HRG: variants seen among roughly 807,000 people sequenced by gnomAD.
The protein encoded by HRG is histidine-rich glycoprotein.
A neutral mutation model predicts 29.5 loss-of-function variants in HRG; 26 were observed. The ratio of observed to expected loss-of-function variants is 0.88; its 90% CI spans 0.65 to 1.22. The LOEUF is 1.22. Ranked by LOEUF, HRG falls within the 50% of genes most tolerant of loss-of-function variation. The probability of loss-of-function intolerance (pLI) is 0.00; values close to 1 mark genes in which losing one functional copy is unlikely to be tolerated. For synonymous variants in HRG, 243 were observed against 240.4 expected (o/e 1.01, Z -0.10); for missense variants, 671 against 654.5 (o/e 1.03, Z -0.28).
chr3:186,667,618 G>T (rs1240958227), intron 1 of HRG, among the ~76,000 whole-genome samples: 1 of 152,074 alleles, frequency 6.6e-6, no homozygotes, highest in African/African-American at 2.4e-5. Context: ...GGAGGCTTCT[G>T]CTGTGTAATG....
chr3:186,677,375 A>G lies in HRG; in HGVS notation c.1070A>G (p.His357Arg). The G allele has an allele frequency of 6.2e-7, 1 of 1,613,710 alleles. No individual in the cohort carries two copies. Among genetic ancestry groups the G allele is most frequent in the Non-Finnish European group, 8.5e-7 (1 of 1,179,886 alleles). ...CTCCATCCCCATAAGCATCATTCCC[A>G]TGAACAGCATCCCCACGGACACCAT... ...SDLHPHKHHS[H>R]EQHPHGHHPH... The change falls in exon 7 of 7, where the codon CAT becomes CGT. Residue 357 changes from histidine to arginine, a missense_variant. Physicochemically the swap from His to Arg is conservative, Grantham distance 29. Transcript: ENST00000232003.
At chr3:186,676,158 C>A (rs185493097) in intron 6 of HRG, among the ~76,000 whole-genome samples, 63 of 151,986 alleles carry the variant, frequency 4.1e-4, no homozygotes, top group African/African-American at 1.4e-3. Context: ...CATGAGCCAC[C>A]GTGCCCGGCC....
Position 186,675,285 on chromosome 3 carries a change from GT to G in HRG, c.741+96del, listed in dbSNP as rs1560041355. On this transcript the variant is annotated intron_variant, in intron 6 of 6. Coordinates refer to ENST00000232003, the MANE Select transcript of HRG (RefSeq NM_000412.5). ...TTGCTTCCTAAAGCTCTATGAGTGG[GT>G]GTGTGTGTGTGTGTGTGTGTGTGAG... 1.6e-4 allele frequency: 28 copies of G among 170,372 alleles called. No individual in the cohort carries two copies. In the South Asian group the frequency reaches 1.7e-3, roughly 10 times the overall value. The allele number at this position is 170,372 out of a possible 1,614,324, so 10.6% of individuals were successfully genotyped here. A position where few individuals can be genotyped will look rare whatever the true frequency, so the allele number is the denominator to read the frequency against.
Position 186,677,175 on chromosome 3 carries a change from C to A in HRG, c.870C>A (p.His290Gln), listed in dbSNP as rs756902681. The change falls in exon 7 of 7, where the codon CAC (histidine) becomes CAA (glutamine). Residue 290 changes from histidine (H) to glutamine (Q), a missense_variant. By Grantham distance (24) the His-to-Gln change is conservative (BLOSUM62 0). Coordinates refer to ENST00000232003, the MANE Select transcript of HRG (RefSeq NM_000412.5). The stretch of plus-strand genomic sequence containing the variant: ...GATCTAGAGATCATCATCATCCCCA[C>A]AAGCCACACGAACATGGACCCCCAC... Reference protein sequence around the residue: ...PHGSRDHHHPHKPHEHGPPPP... With the variant: ...PHGSRDHHHPQKPHEHGPPPP... 3 of 1,614,048 alleles carry A rather than the reference C, an allele frequency of 1.9e-6. No homozygotes were observed. The highest frequency in any genetic ancestry group is 1.7e-5 in the Admixed American group (1 of 60,012).
intron 5 of HRG, chr3:186,674,240 G>A (rs1319481923): frequency 6.6e-6 from 1 of 152,122 alleles, no homozygotes; most frequent in Non-Finnish European, 1.5e-5. Flanking sequence ...TGATCTTGGT[G>A]TGGATAATGT....
At chr3:186,671,308 G>T (rs542500565) in intron 3 of HRG, among the ~76,000 whole-genome samples, 1 of 146,992 alleles carries the variant, frequency 6.8e-6, no homozygotes, top group African/African-American at 2.5e-5. Context: ...TTATATAATA[G>T]ATAATATATA....
At chr3:186,676,501 A>G (rs539503824) in intron 6 of HRG, among the ~76,000 whole-genome samples, 1 of 151,752 alleles carries the variant, frequency 6.6e-6, no homozygotes, top group African/African-American at 2.4e-5. Context: ...CAGGCTGGGC[A>G]TGGTGGCTCA....
In HRG at chr3:186,677,585, G is replaced by A. The variant is rs758966190; in HGVS notation, c.1280G>A (p.Cys427Tyr). ...CDPPPHNQGH[C>Y]CHGHGPPPGH... is the part of the protein sequence containing the mutation. ...CCACCACCCCATAACCAAGGTCACT[G>A]TTGCCATGGCCACGGCCCACCACCT... Residue 427 changes from cysteine to tyrosine, a missense_variant, in exon 7 of 7, where the codon TGT becomes TAT. Transcript: ENST00000232003. 2 of 1,614,132 alleles carry A rather than the reference G, an allele frequency of 1.2e-6. No homozygotes were observed. The highest frequency in any genetic ancestry group is 8.5e-7 in the Non-Finnish European group (1 of 1,180,002).
chr3:186,672,447 C>T (rs1335943057), intron 4 of HRG, among the ~76,000 whole-genome samples: 1 of 152,080 alleles, frequency 6.6e-6, no homozygotes, highest in Non-Finnish European at 1.5e-5. Flanking sequence ...CTTAGATCTC[C>T]CTGTGTATGT....
Position 186,671,643 on chromosome 3 carries a change from A to G in HRG, c.412A>G (p.Thr138Ala). The part of the protein sequence containing the change: ...TSSVSSALAN[T>A]KDSPVLIDFF... ...TCCAGTCTCTTCAGCACTGGCCAAT[A>G]CCAAAGATAGTCCGGTCCTCATAGA... is the stretch of plus-strand genomic sequence containing the variant. The change falls in exon 4 of 7, where the codon ACC becomes GCC. Residue 138 changes from threonine to alanine, a missense_variant. Physicochemically the swap from Thr to Ala is moderately conservative, Grantham distance 58. Transcript: ENST00000232003. 6.2e-7 allele frequency: 1 copy of G among 1,614,020 alleles called. No individual in the cohort carries two copies. Among genetic ancestry groups the G allele is most frequent in the Non-Finnish European group, 8.5e-7 (1 of 1,179,932 alleles).
chr3:186,673,279 T>G (rs1560040645), intron 5 of HRG: 1 of 295,180 alleles, frequency 3.4e-6, no homozygotes, highest in Non-Finnish European at 6.6e-6. Flanking sequence ...AATTTTTGTA[T>G]TTTTAGTAGA....
At chr3:186,669,454 T>C (rs78904050) in intron 2 of HRG, 6,146 of 338,356 alleles carry the variant, frequency 0.018, 95 homozygotes, top group Middle Eastern at 0.059. Flanking sequence ...TGGTCCTATT[T>C]TCAGGAATGG....
intron 6 of HRG, 116 bp downstream of exon 6, chr3:186,675,306 TGTGA>T (rs1560041501): frequency 4.8e-5 from 22 of 463,074 alleles, no homozygotes; most frequent in East Asian, 5.1e-5. Flanking sequence ...TGTGTGTGTG[TGTGA>T]GAGAGAGAGA....
chr3:186,675,219 G>A, intron 6 of HRG, 29 bp downstream of exon 6: 2 of 1,413,558 alleles, frequency 1.4e-6, no homozygotes, highest in Non-Finnish European at 1.0e-6. Context: ...CTTTGTCATG[G>A]CAGTGCCAGA....
rs781625627 is a variant in HRG, at chr3:186,672,876, A to G, written c.639+9A>G. 4.5e-6 allele frequency: 7 copies of G among 1,568,064 alleles called. No individual in the cohort carries two copies. Among genetic ancestry groups the G allele is most frequent in the South Asian group, 1.1e-5 (1 of 90,050 alleles). ...TCCCCAGACACCCCAATGTGAGTAT[A>G]AGAAATGTCTGTGATCGTTGACTAG... On this transcript the variant is annotated intron_variant, in intron 5 of 6. Coordinates refer to ENST00000232003, the MANE Select transcript of HRG (RefSeq NM_000412.5).
chr3:186,675,670 T>C (rs999709293), intron 6 of HRG, among the ~76,000 whole-genome samples: 1 of 152,242 alleles, frequency 6.6e-6, no homozygotes, highest in Non-Finnish European at 1.5e-5. Flanking sequence ...TAAATGTATA[T>C]AAAATAAGAT....
chr3:186,669,841 A>G, intron 2 of HRG, 97 bp from the exon 3 acceptor site: 3 of 772,870 alleles, frequency 3.9e-6, no homozygotes, highest in Non-Finnish European at 7.2e-6. Context: ...AATGAACAGT[A>G]GGAGGATGTT....
intron 1 of HRG, chr3:186,668,629 A>G (rs76449467): frequency 0.019 from 7,104 of 370,378 alleles, 117 homozygotes; most frequent in South Asian, 0.036. Context: ...TGAGGTCGTC[A>G]TGACTTATAC....
intron 3 of HRG, 84 bp downstream of exon 3, chr3:186,670,112 T>C: frequency 2.5e-6 from 2 of 786,078 alleles, no homozygotes; most frequent in Admixed American, 3.4e-5. Flanking sequence ...TCTATGTACA[T>C]ATGTATTCAT....
Sources: allele counts gnomAD v4.1 joint callset (sites outside exome capture counted in the v4.1 genomes callset), GRCh38; gene constraint gnomAD v4.1.1; transcripts MANE v1.5; gene names NCBI Gene and HGNC (gene_info 2026-07-23, HGNC 2026-07-21).